The following TSHR variants were observed in gnomAD, a reference collection of about 807,000 sequenced individuals.
TSHR encodes the protein thyrotropin receptor.
TSHR carries 51 observed loss-of-function variants against 64.1 expected under a neutral mutation model. That is an observed-to-expected ratio of 0.80 (90% CI 0.64 to 1.01). The LOEUF is 1.01. TSHR is among the 50% of genes least tolerant of loss of function. TSHR has a pLI of 0.00. For missense variants in TSHR, 877 were observed against 942.8 expected (o/e 0.93, Z 0.91); for synonymous variants, 361 against 361.9 (o/e 1.00, Z 0.03).
chr14:81,037,386 C>CTATAAGAG (rs1205602282), intron 1 of TSHR, among the ~76,000 whole-genome samples: 2 of 130,986 alleles, frequency 1.5e-5, no homozygotes, highest in East Asian at 4.4e-4. Context: ...CACAGGTAAA[C>CTATAAGAG]TATAAGAGAG....
At chr14:81,142,157 T>C (rs1891715963) in intron 9 of TSHR, among the ~76,000 whole-genome samples, 1 of 152,174 alleles carries the variant, frequency 6.6e-6, no homozygotes, top group Admixed American at 6.5e-5. Flanking sequence ...CTTGACTCAC[T>C]GCAACCTCCA....
chr14:80,979,998 G>A (rs1390990350), intron 1 of TSHR, among the ~76,000 whole-genome samples: 5 of 152,152 alleles, frequency 3.3e-5, no homozygotes, highest in Admixed American at 3.3e-4. Context: ...TCTTCACATG[G>A]TTTATGAAGT....
chr14:81,031,868 C>A (rs1884366129), intron 1 of TSHR, among the ~76,000 whole-genome samples: 1 of 152,210 alleles, frequency 6.6e-6, no homozygotes, highest in South Asian at 2.1e-4. Flanking sequence ...CTCTACCCAA[C>A]TGACTCCCTA....
At chr14:81,122,289 T>C (rs948907109) in intron 8 of TSHR, among the ~76,000 whole-genome samples, 24 of 151,808 alleles carry the variant, frequency 1.6e-4, no homozygotes, top group Non-Finnish European at 4.4e-5. Context: ...GCGATCCACC[T>C]GCCTAGGCCT....
At position 81,132,854 on chromosome 14, in the gene TSHR, G is replaced by GA. The variant is rs5810012; in HGVS notation, c.693-6812dup. Among the ~76,000 whole-genome samples the GA allele has an allele frequency of 3.0e-3, 419 of 141,040 alleles. 1 individual carries two copies. Among genetic ancestry groups the GA allele is most frequent in the African/African-American group, 5.5e-3 (221 of 40,054 alleles). 92.5% of individuals were successfully genotyped at this position (141,040 alleles called of 152,430 possible). Reference sequence around the variant, plus strand: ...CAACTCTTTATATTCTTCTTACTCAGAAAAAAAAAAAAATACTACATGTTG... The same window carrying GA: ...CAACTCTTTATATTCTTCTTACTCAGAAAAAAAAAAAAAATACTACATGTTG... On this transcript the variant is annotated intron_variant, in intron 8 of 9. Coordinates refer to ENST00000298171, the MANE Select transcript of TSHR (RefSeq NM_000369.5).
At chr14:81,017,752 A>G (rs958822488) in intron 1 of TSHR, among the ~76,000 whole-genome samples, 1 of 151,664 alleles carries the variant, frequency 6.6e-6, no homozygotes, top group Non-Finnish European at 1.5e-5. Context: ...AATAGCCATG[A>G]CTCAGGCCTC....
At chr14:80,993,954 AG>A (rs1265595626) in intron 1 of TSHR, 1 of 152,154 alleles carries the variant, frequency 6.6e-6, no homozygotes, top group African/African-American at 2.4e-5. Context: ...TTTCAATAAA[AG>A]TAACACTGAG....
chr14:81,104,714 C>T, intron 7 of TSHR: 2 of 985,420 alleles, frequency 2.0e-6, no homozygotes, highest in South Asian at 9.4e-5. Flanking sequence ...TTCCTCACCA[C>T]CTTCATTTTC....
chr14:80,998,670 G>A (rs1379565403), intron 1 of TSHR, among the ~76,000 whole-genome samples: 1 of 151,922 alleles, frequency 6.6e-6, no homozygotes, highest in Admixed American at 6.6e-5. Flanking sequence ...TAAAGAAAAT[G>A]AGTGATACAC....
intron 3 of TSHR, among the ~76,000 whole-genome samples, chr14:81,080,849 T>C (rs1887849901): frequency 6.6e-6 from 1 of 152,204 alleles, no homozygotes; most frequent in Non-Finnish European, 1.5e-5. Context: ...CCAAGAGCTT[T>C]GACAGACTTT....
At chr14:81,039,508 T>A (rs919823604) in intron 1 of TSHR, among the ~76,000 whole-genome samples, 1 of 151,832 alleles carries the variant, frequency 6.6e-6, no homozygotes, top group Non-Finnish European at 1.5e-5. Flanking sequence ...GGTATCCAAA[T>A]GGAAAAGGAG....
chr14:81,123,177 AG>A (rs1365083092), intron 8 of TSHR, among the ~76,000 whole-genome samples: 1 of 152,186 alleles, frequency 6.6e-6, no homozygotes, highest in Non-Finnish European at 1.5e-5. Context: ...CACAAAGCAT[AG>A]GAAGAGAAGA....
At chr14:81,023,021 A>C (rs1465209516) in intron 1 of TSHR, among the ~76,000 whole-genome samples, 1 of 152,166 alleles carries the variant, frequency 6.6e-6, no homozygotes, top group African/African-American at 2.4e-5. Flanking sequence ...TGCTGTGTGC[A>C]TGTGGAGATC....
chr14:81,103,130 A>G lies in TSHR; in HGVS notation c.615-5245A>G, dbSNP rs955085195. On this transcript the variant is annotated intron_variant, in intron 7 of 9. Transcript: ENST00000298171. This position sits in a 1 kb window ranked among gnomAD's most constrained non-coding sequence, Gnocchi z 4.1. ...GATAAGGAGCCCTGGGACTGGAGGA[A>G]GACAAGGATTGAGCTATAGGTGAAG... 32 of 985,298 alleles carry G rather than the reference A, an allele frequency of 3.2e-5. No individual in the cohort carries two copies. The highest frequency in any genetic ancestry group is 6.1e-5 in the Admixed American group (1 of 16,262). The allele number at this position is 985,298 out of a possible 1,614,324, so 61.0% of individuals were successfully genotyped here.
intron 1 of TSHR, among the ~76,000 whole-genome samples, chr14:81,028,994 T>C (rs1884213081): frequency 1.3e-5 from 2 of 151,756 alleles, no homozygotes; most frequent in Non-Finnish European, 2.9e-5. Flanking sequence ...TTTTAAATTA[T>C]ATTATTTAAA....
chr14:81,050,185 G>A (rs1479275304), intron 1 of TSHR: 4 of 152,318 alleles, frequency 2.6e-5, no homozygotes, highest in Non-Finnish European at 5.9e-5. Flanking sequence ...GCAGGAGATT[G>A]ATCAGCAATA....
rs927981956 is a variant in TSHR, at chr14:81,142,809, C to A, written c.882-131C>A. The A allele has an allele frequency of 7.7e-6, 6 of 777,808 alleles. No individual in the cohort carries two copies. The African/African-American group carries it at 1.0e-4, about 13-fold the overall frequency. The allele number at this position is 777,808 out of a possible 1,614,324, so 48.2% of individuals were successfully genotyped here. On this transcript the variant is annotated intron_variant, in intron 9 of 9. Coordinates refer to ENST00000298171, the MANE Select transcript of TSHR (RefSeq NM_000369.5). Reference sequence around the variant, plus strand: ...ATTTTTTATAGAGATGGGATTTCACCATGTTGCCCAGGCTGGTCTCAAACT... The same window carrying A: ...ATTTTTTATAGAGATGGGATTTCACAATGTTGCCCAGGCTGGTCTCAAACT...
intron 1 of TSHR, among the ~76,000 whole-genome samples, chr14:81,009,269 G>A (rs958106180): frequency 1.3e-5 from 2 of 152,108 alleles, no homozygotes; most frequent in African/African-American, 4.8e-5. Flanking sequence ...TTCCAAGTTG[G>A]CAAAACGTTT....
Position 81,008,322 on chromosome 14 carries a change from C to G in TSHR, c.170+52472C>G, listed in dbSNP as rs566245543. Among the ~76,000 whole-genome samples the G allele has an allele frequency of 1.2e-4, 18 of 151,980 alleles. No individual in the cohort carries two copies. The South Asian group carries it at 1.5e-3, about 12-fold the overall frequency. Reference sequence around the variant, plus strand: ...CAATTAGCTGGGACTACAGGCGCCCCCCACCACGCCCGGCTAATTTTTTGT... The same window carrying G: ...CAATTAGCTGGGACTACAGGCGCCCGCCACCACGCCCGGCTAATTTTTTGT... On this transcript the variant is annotated intron_variant, in intron 1 of 9. Transcript: ENST00000298171.
Sources: gnomAD v4.1 joint callset for allele counts (sites outside exome capture counted in the v4.1 genomes callset) on GRCh38, gnomAD v4.1.1 for gene constraint, Gnocchi (gnomAD v3.1) non-coding constraint, MANE v1.5 for transcripts, NCBI Gene and HGNC (gene_info 2026-07-23, HGNC 2026-07-21) for gene names.